Variants in SUPT6H observed in about 807,000 individuals in gnomAD.
SUPT6H encodes transcription elongation factor SPT6.
A neutral mutation model predicts 222.3 loss-of-function variants in SUPT6H; 11 were observed. That is an observed-to-expected ratio of 0.05 (90% CI 0.03 to 0.08). The LOEUF is 0.08. Among genes scored for constraint, SUPT6H ranks in the 10% least tolerant of loss-of-function variants. SUPT6H has a pLI of 1.00. For missense variants in SUPT6H, 1,422 were observed against 2,216.0 expected (o/e 0.64, Z 7.19); for synonymous variants, 762 against 801.2 (o/e 0.95, Z 0.83).
At chr17:28,664,353 C>G (rs1183047700) in intron 1 of SUPT6H, among the ~76,000 whole-genome samples, 2 of 152,142 alleles carry the variant, frequency 1.3e-5, no homozygotes, top group Non-Finnish European at 2.9e-5. Flanking sequence ...ACTAAAAATA[C>G]AAAAACTAGC....
intron 27 of SUPT6H, among the ~76,000 whole-genome samples, chr17:28,693,379 T>C (rs1218719871): frequency 1.3e-5 from 2 of 150,476 alleles, no homozygotes; most frequent in African/African-American, 4.9e-5. Context: ...GAGAATCGGC[T>C]TGAACCCAGG....
intron 27 of SUPT6H, chr17:28,691,304 T>C (rs1339895051): frequency 1.6e-5 from 7 of 441,574 alleles, no homozygotes; most frequent in Non-Finnish European, 2.4e-5. Flanking sequence ...GGTGGGCGGT[T>C]CATCTGAGAT....
chr17:28,701,697 GC>G lies in SUPT6H; in HGVS notation c.*76del. 2 of 1,471,984 alleles carry G rather than the reference GC, an allele frequency of 1.4e-6. No homozygotes were observed. 91.2% of individuals were successfully genotyped at this position (1,471,984 alleles called of 1,614,324 possible). A position where few individuals can be genotyped will look rare whatever the true frequency, so the allele number is the denominator to read the frequency against. On this transcript the variant is annotated 3_prime_UTR_variant, in exon 37 of 37. Transcript: ENST00000314616. ...CTGGCTGCCCACTGCCTCCCTCCCT[GC>G]CCCTCCTTTTATGTCCATAAAGTGG...
At chr17:28,687,880 A>G (rs2031468027) in intron 23 of SUPT6H, among the ~76,000 whole-genome samples, 1 of 151,886 alleles carries the variant, frequency 6.6e-6, no homozygotes, top group African/African-American at 2.4e-5. Flanking sequence ...TGGTGTAGGT[A>G]TAACATCATT....
Position 28,662,219 on chromosome 17 carries a change from G to T in SUPT6H, c.-155G>T, listed in dbSNP as rs766365118. ...TGACGTAGCACGTTGACGCAGCAGC[G>T]GCGGCGGTGGCGGCGGAGGGGCCGT... On this transcript the variant is annotated 5_prime_UTR_variant, in exon 1 of 37. Coordinates refer to ENST00000314616, the MANE Select transcript of SUPT6H (RefSeq NM_003170.5). 2.3e-5 allele frequency: 5 copies of T among 220,908 alleles called. No individual in the cohort carries two copies. Among genetic ancestry groups the T allele is most frequent in the Non-Finnish European group, 4.6e-5 (5 of 108,428 alleles). 13.7% of individuals were successfully genotyped at this position (220,908 alleles called of 1,614,324 possible).
At chr17:28,691,460 A>G (rs1307732792) in intron 27 of SUPT6H, 1 of 178,298 alleles carries the variant, frequency 5.6e-6, no homozygotes, top group Non-Finnish European at 1.2e-5. Flanking sequence ...GAGGAGGCGG[A>G]GTTTGCAGTG....
At chr17:28,687,570 GT>G in intron 23 of SUPT6H, 99 bp downstream of exon 23, 1 of 1,336,654 alleles carries the variant, frequency 7.5e-7, no homozygotes, top group Non-Finnish European at 1.0e-6. Context: ...GAGGACCAAG[GT>G]CAGTGACTTG....
At position 28,686,079 on chromosome 17, in the gene SUPT6H, C is replaced by T. The variant is rs142457344; in HGVS notation, c.2488-260C>T. Among the ~76,000 whole-genome samples, 51 of 152,262 alleles carry T rather than the reference C, an allele frequency of 3.3e-4. 2 individuals are homozygous for T. The East Asian group carries it at 9.4e-3, about 28-fold the overall frequency. ...GATTTTGGTTTACAATAAAAAAGAA[C>T]GGTTTCCTAACTTCATCCTTGGGAC... On this transcript the variant is annotated intron_variant, in intron 19 of 36. Transcript: ENST00000314616.
chr17:28,685,593 G>T (rs1287598255), intron 19 of SUPT6H, among the ~76,000 whole-genome samples: 2 of 151,796 alleles, frequency 1.3e-5, no homozygotes, highest in Admixed American at 1.3e-4. Context: ...AGGCTCAAGT[G>T]ATCCTCCTGC....
intron 35 of SUPT6H, 171 bp from the exon 36 acceptor site, chr17:28,700,770 C>G: frequency 1.0e-6 from 1 of 960,750 alleles, no homozygotes; most frequent in Non-Finnish European, 1.6e-6. Flanking sequence ...GTGGGCACCA[C>G]TGTGTGCTCG....
intron 1 of SUPT6H, chr17:28,670,473 T>G (rs1266879362): frequency 1.3e-5 from 2 of 152,240 alleles, no homozygotes; most frequent in African/African-American, 4.8e-5. Flanking sequence ...GTGTGTGTTG[T>G]GAGTTTATTG....
At chr17:28,699,481 G>A (rs759017556) in intron 32 of SUPT6H, among the ~76,000 whole-genome samples, 2 of 152,132 alleles carry the variant, frequency 1.3e-5, no homozygotes, top group African/African-American at 2.4e-5. Context: ...ATGGGATCTC[G>A]GTCTCACTTC....
chr17:28,700,688 C>T (rs1479295348), intron 35 of SUPT6H, 176 bp downstream of exon 35: 1 of 1,008,300 alleles, frequency 9.9e-7, no homozygotes, highest in Non-Finnish European at 1.4e-6. Flanking sequence ...TAAGAGAGGG[C>T]ATAACCTTTC....
chr17:28,674,441 A>G lies in SUPT6H; in HGVS notation c.268A>G (p.Thr90Ala). 1 of 1,614,064 alleles carries G rather than the reference A, an allele frequency of 6.2e-7. No individual in the cohort carries two copies. Among genetic ancestry groups the G allele is most frequent in the Non-Finnish European group, 8.5e-7 (1 of 1,179,952 alleles). The change falls in exon 3 of 37, where the codon ACC (threonine) becomes GCC (alanine). Residue 90 changes from threonine to alanine, a missense_variant and splice_region_variant. By Grantham distance (58) the Thr-to-Ala change is moderately conservative. Coordinates refer to ENST00000314616, the MANE Select transcript of SUPT6H (RefSeq NM_003170.5). ...TGTTGGCCACAAGAAGAGAAAACGC[A>G]GTGAGTAGTCTGTCGTTGGCTCAAG... ...DDVGHKKRKR[T>A]SFDDRLEDDD...
At chr17:28,683,465 A>G (rs1327529997) in intron 16 of SUPT6H, 43 bp downstream of exon 16, 2 of 1,609,540 alleles carry the variant, frequency 1.2e-6, no homozygotes, top group Non-Finnish European at 1.7e-6. Context: ...GGAAGGCCTG[A>G]TGAGGAGTCT....
rs1317742974 is a variant in SUPT6H at position 28,673,416 on chromosome 17, G to T, written c.15G>T (p.Val5=). 6.2e-7 allele frequency: 1 copy of T among 1,613,934 alleles called. No individual in the cohort carries two copies. Among genetic ancestry groups the T allele is most frequent in the Admixed American group, 1.7e-5 (1 of 60,010 alleles). MSDF[V]ESEAEESEEE... ...AAGCTGCAGCAATGTCTGATTTTGT[G>T]GAAAGCGAGGCTGAGGAGTCAGAGG... is the stretch of plus-strand genomic sequence containing the variant. The change falls in exon 2 of 37, where the codon GTG becomes GTT. Residue 5 remains valine, a synonymous_variant. Transcript: ENST00000314616.
At position 28,693,861 on chromosome 17, in the gene SUPT6H, C is replaced by T. The variant is rs189525348; in HGVS notation, c.3774+25C>T. On this transcript the variant is annotated intron_variant, in intron 28 of 36. Transcript: ENST00000314616. ...GGTAGAGGACTGATTGTCCTAAGGT[C>T]GTAGTGCAATTTTCAGCTGCCCAGA... is the stretch of plus-strand genomic sequence containing the variant. The T allele has an allele frequency of 1.5e-5, 25 of 1,613,896 alleles. No individual in the cohort carries two copies. The East Asian group carries it at 1.8e-4, about 12-fold the overall frequency.
chr17:28,666,669 A>G lies in SUPT6H; in HGVS notation c.-32+4327A>G, dbSNP rs550316422. 3.5e-3 allele frequency among the ~76,000 whole-genome samples: 533 copies of G among 150,544 alleles called. 2 individuals are homozygous for G. Among genetic ancestry groups the G allele is most frequent in the Admixed American group, 8.9e-3 (133 of 14,984 alleles). On this transcript the variant is annotated intron_variant, in intron 1 of 36. Transcript: ENST00000314616. ...CACGTTCAAGCGATTCTCCTGCCTC[A>G]GCCTCCTGAGTAGCTGGGATTACAG... is the stretch of plus-strand genomic sequence containing the variant.
intron 2 of SUPT6H, 30 bp from the exon 3 acceptor site, chr17:28,674,253 C>G: frequency 1.2e-6 from 2 of 1,613,260 alleles, no homozygotes; most frequent in Non-Finnish European, 8.5e-7. Context: ...GTTTTTCAGT[C>G]TCCATGCCTC....
Sources: gnomAD v4.1 joint callset for allele counts (sites outside exome capture counted in the v4.1 genomes callset) on GRCh38, gnomAD v4.1.1 for gene constraint, MANE v1.5 for transcripts, NCBI Gene and HGNC (gene_info 2026-07-23, HGNC 2026-07-21) for gene names.